ATP6V1B1: variants seen among roughly 807,000 people sequenced by gnomAD.
The protein encoded by ATP6V1B1 is ATPase H+ transporting V1 subunit B1.
Under a neutral mutation model 62.1 loss-of-function variants are expected in ATP6V1B1, and 41 were observed. The observed-to-expected ratio is 0.66, with a 90% CI of 0.51 to 0.86. The LOEUF is 0.86. Among genes scored for constraint, ATP6V1B1 ranks in the 40% least tolerant of loss-of-function variants. The pLI is 0.00. For synonymous variants in ATP6V1B1, 253 were observed against 273.4 expected (o/e 0.93, Z 0.74); for missense variants, 651 against 697.5 (o/e 0.93, Z 0.75).
chr2:70,945,701 G>GAGAGATATATATATATATATATAT (rs1553417203), intron 2 of ATP6V1B1, among the ~76,000 whole-genome samples: 2 of 83,016 alleles, frequency 2.4e-5, no homozygotes, highest in African/African-American at 9.6e-5. Context: ...TATTTGAAGA[G>GAGAGATATATATATATATATATAT]ATATATATAT....
At chr2:70,943,334 G>A in intron 1 of ATP6V1B1, 4 of 535,354 alleles carry the variant, frequency 7.5e-6, no homozygotes, top group Non-Finnish European at 1.0e-5. Context: ...GGAGGGAGTG[G>A]GTGAGGTGGG....
At chr2:70,964,345 A>T in intron 11 of ATP6V1B1, 93 bp from the exon 12 acceptor site, 2 of 1,327,088 alleles carry the variant, frequency 1.5e-6, no homozygotes, top group Non-Finnish European at 1.1e-6. Flanking sequence ...GGAATGTAGG[A>T]TAAGTGAGGA....
At chr2:70,951,814 G>T (rs1680328864) in intron 2 of ATP6V1B1, among the ~76,000 whole-genome samples, 1 of 151,902 alleles carries the variant, frequency 6.6e-6, no homozygotes, top group Non-Finnish European at 1.5e-5. Flanking sequence ...TAGGAGAATC[G>T]CTTGAACCCA....
At chr2:70,961,742 C>G (rs1680592989) in intron 8 of ATP6V1B1, 49 bp downstream of exon 8, 5 of 1,569,706 alleles carry the variant, frequency 3.2e-6, no homozygotes, top group Non-Finnish European at 4.4e-6. Context: ...CAGACCCCGT[C>G]CCCTTCCAAG....
At chr2:70,941,838 G>C in intron 1 of ATP6V1B1, 1 of 985,944 alleles carries the variant, frequency 1.0e-6, no homozygotes, top group Non-Finnish European at 1.2e-6. Flanking sequence ...CTTCAGAGGA[G>C]GCTGACAGGC....
intron 2 of ATP6V1B1, among the ~76,000 whole-genome samples, chr2:70,947,079 C>T (rs1054020144): frequency 1.3e-5 from 2 of 152,112 alleles, no homozygotes; most frequent in African/African-American, 4.8e-5. Context: ...TTCCTGCTTC[C>T]GTCCTCAAAT....
intron 6 of ATP6V1B1, among the ~76,000 whole-genome samples, chr2:70,960,423 T>C (rs553846452): frequency 6.8e-4 from 104 of 152,256 alleles, no homozygotes; most frequent in Admixed American, 2.1e-3. Flanking sequence ...AACAGCCGCT[T>C]CCTCTCAGAG....
At chr2:70,952,859 C>T (rs1482066873) in intron 2 of ATP6V1B1, among the ~76,000 whole-genome samples, 3 of 152,126 alleles carry the variant, frequency 2.0e-5, no homozygotes, top group East Asian at 1.9e-4. Flanking sequence ...TAGTTCCTCC[C>T]GTACAAGGCT....
At chr2:70,964,931 T>C (rs368431387) in intron 13 of ATP6V1B1, 27 bp from the exon 14 acceptor site, 14 of 1,613,856 alleles carry the variant, frequency 8.7e-6, no homozygotes, top group Non-Finnish European at 1.0e-5. Flanking sequence ...CACACATTCC[T>C]AACACTCCCT....
chr2:70,936,510 C>T (rs1031166934), intron 1 of ATP6V1B1, among the ~76,000 whole-genome samples: 1 of 151,830 alleles, frequency 6.6e-6, no homozygotes, highest in African/African-American at 2.4e-5. Flanking sequence ...AGAGTGTCAG[C>T]GCTCTCAGCC....
chr2:70,961,762 AC>A, intron 8 of ATP6V1B1, 69 bp downstream of exon 8: 3 of 1,467,014 alleles, frequency 2.0e-6, no homozygotes, highest in South Asian at 1.1e-5. Flanking sequence ...GACCTACAGT[AC>A]CAGGGCTCCA....
At chr2:70,940,343 C>T in intron 1 of ATP6V1B1, 1 of 882,426 alleles carries the variant, frequency 1.1e-6, no homozygotes, top group Non-Finnish European at 1.4e-6. Flanking sequence ...CTCCCACACC[C>T]CCACCTCCCT....
intron 1 of ATP6V1B1, chr2:70,941,832 A>G (rs1421010014): frequency 4.1e-6 from 4 of 985,816 alleles, no homozygotes; most frequent in Non-Finnish European, 4.8e-6. Flanking sequence ...GTGAGTCTTC[A>G]GAGGAGGCTG....
rs202011016 is a variant in ATP6V1B1 at position 70,958,364 on chromosome 2, G to A, written c.305G>A (p.Arg102Lys). The A allele has an allele frequency of 1.1e-5, 17 of 1,614,152 alleles. No homozygotes were observed. The highest frequency in any genetic ancestry group is 6.7e-5 in the East Asian group (3 of 44,868). The change falls in exon 4 of 14, where the codon AGG becomes AAG. Residue 102 changes from arginine (R) to lysine (K), a missense_variant. Coordinates refer to ENST00000234396, the MANE Select transcript of ATP6V1B1 (RefSeq NM_001692.4). ...VFEGTSGIDA[R>K]KTTCEFTGDI... ...GAAGGGACATCAGGGATCGATGCCA[G>A]GAAGACCACTTGCGAATTTACAGGG...
At chr2:70,940,612 G>C in intron 1 of ATP6V1B1, 2 of 985,422 alleles carry the variant, frequency 2.0e-6, no homozygotes, top group Non-Finnish European at 2.4e-6. Flanking sequence ...CCAAGCCTCT[G>C]TCTCCTACCC....
intron 1 of ATP6V1B1, chr2:70,942,256 T>C (rs570551271): frequency 4.2e-5 from 17 of 401,572 alleles, no homozygotes; most frequent in African/African-American, 3.1e-4. Flanking sequence ...GTCTGTAAGG[T>C]AGGTTTGAAG....
Position 70,963,106 on chromosome 2 carries a change from T to G in ATP6V1B1, c.910-56T>G. 3 of 1,573,424 alleles carry G rather than the reference T, an allele frequency of 1.9e-6. No homozygotes were observed. Among genetic ancestry groups the G allele is most frequent in the Non-Finnish European group, 2.6e-6 (3 of 1,150,048 alleles). The stretch of plus-strand genomic sequence containing the variant: ...GGGTCACTGAACCTCCCACCCACCC[T>G]TCCTAGCTTCAGCCTCTCATCCCCT... On this transcript the variant is annotated intron_variant, in intron 9 of 13. Coordinates refer to ENST00000234396, the MANE Select transcript of ATP6V1B1 (RefSeq NM_001692.4). The surrounding 1 kb of genome is among the most constrained non-coding windows in gnomAD (Gnocchi z 4.3).
rs1464887714 is a variant in ATP6V1B1 at position 70,937,975 on chromosome 2, C to T, written c.118+1903C>T. 2.0e-5 allele frequency among the ~76,000 whole-genome samples: 3 copies of T among 152,158 alleles called. No homozygotes were observed. The East Asian group carries it at 5.8e-4, about 29-fold the overall frequency. Reference sequence around the variant, plus strand: ...CCTCGATGCTGGCTCTATATGGCCTCCACCCAGGAGAATGTGTTCACACCA... The same window carrying T: ...CCTCGATGCTGGCTCTATATGGCCTTCACCCAGGAGAATGTGTTCACACCA... On this transcript the variant is annotated intron_variant, in intron 1 of 13. Transcript: ENST00000234396.
rs531660554 is a variant in ATP6V1B1 at position 70,965,205 on chromosome 2, G to A, written c.*84G>A. On this transcript the variant is annotated 3_prime_UTR_variant, in exon 14 of 14. Transcript: ENST00000234396. Reference sequence around the variant, plus strand: ...CCCCTCCCTCGCCACCCCAACCAGCGGCTTCTGCGCCGCCCTCCGCCCTCC... The same window carrying A: ...CCCCTCCCTCGCCACCCCAACCAGCAGCTTCTGCGCCGCCCTCCGCCCTCC... 1.7e-5 allele frequency: 26 copies of A among 1,572,796 alleles called. No homozygotes were observed. In the African/African-American group the frequency reaches 2.8e-4, roughly 17 times the overall value.
Sources: gnomAD v4.1 joint callset for allele counts (sites outside exome capture counted in the v4.1 genomes callset) on GRCh38, gnomAD v4.1.1 for gene constraint, Gnocchi (gnomAD v3.1) non-coding constraint, MANE v1.5 for transcripts, NCBI Gene and HGNC (gene_info 2026-07-23, HGNC 2026-07-21) for gene names.